Variants in TPTE2 observed in about 807,000 individuals in gnomAD.
The protein encoded by TPTE2 is phosphatidylinositol 3,4,5-trisphosphate 3-phosphatase TPTE2.
TPTE2 carries 53 observed loss-of-function variants against 78.6 expected under a neutral mutation model. The observed-to-expected ratio is 0.67, with a 90% confidence interval of 0.54 to 0.85. TPTE2 has a LOEUF of 0.85. Among genes scored for constraint, TPTE2 ranks in the 40% least tolerant of loss-of-function variants. The pLI, the probability that TPTE2 is intolerant of heterozygous loss-of-function variation, is 0.00. For synonymous variants in TPTE2, 175 were observed against 206.2 expected, an observed-to-expected ratio of 0.85 and a Z score of 1.30; for missense variants, 461 against 623.0, an observed-to-expected ratio of 0.74 and a Z score of 2.77.
At chr13:19,485,043 T>C (rs571102316) in intron 3 of TPTE2, among the ~76,000 whole-genome samples, 1 of 152,296 alleles carries the variant, frequency 6.6e-6, no homozygotes, top group East Asian at 1.9e-4. Context: ...GTTTTGTATA[T>C]GTTTTATTCC....
intron 6 of TPTE2, among the ~76,000 whole-genome samples, chr13:19,468,935 C>T (rs148465666): frequency 2.0e-5 from 3 of 152,094 alleles, no homozygotes; most frequent in African/African-American, 4.8e-5. Flanking sequence ...CTTTTCAGAT[C>T]GGTAGTTTGC....
At chr13:19,428,671 G>A (rs1876327615) in intron 17 of TPTE2, among the ~76,000 whole-genome samples, 2 of 151,800 alleles carry the variant, frequency 1.3e-5, no homozygotes, top group South Asian at 4.2e-4. Context: ...TGAGGCTACA[G>A]TGAGCCATGA....
chr13:19,443,570 T>C (rs1877626455), intron 13 of TPTE2, among the ~76,000 whole-genome samples: 1 of 151,836 alleles, frequency 6.6e-6, no homozygotes, highest in South Asian at 2.1e-4. Flanking sequence ...ACCTGGCAAA[T>C]TTTTGTATTT....
At chr13:19,423,006 C>CCA in exon 20 of TPTE2, 1 of 1,594,216 alleles carries the variant, frequency 6.3e-7, no homozygotes, top group East Asian at 2.3e-5. Context: ...AATTCTTTCC[C>CCA]AGAAGGGGAA....
At chr13:19,495,435 T>A (rs377089557) in intron 1 of TPTE2, among the ~76,000 whole-genome samples, 15 of 152,346 alleles carry the variant, frequency 9.8e-5, no homozygotes, top group African/African-American at 3.6e-4. Flanking sequence ...TCATTCTCAC[T>A]GAATGGTAAT....
Position 19,486,675 on chromosome 13 carries a change from C to T in TPTE2, c.120-4128G>A, listed in dbSNP as rs1880682885. Among the ~76,000 whole-genome samples, 1 of 152,210 alleles carries T rather than the reference C, an allele frequency of 6.6e-6. No individual in the cohort carries two copies. Among genetic ancestry groups the T allele is most frequent in the East Asian group, 1.9e-4 (1 of 5,196 alleles). On this transcript the variant is annotated intron_variant, in intron 3 of 19. Coordinates refer to ENST00000400230, the Ensembl canonical transcript of TPTE2. This position sits in a 1 kb window ranked among gnomAD's most constrained non-coding sequence, Gnocchi z 4.3. ...CCTGCAGCCAGTCTGCTGGGGGAAA[C>T]TCATGGGCCAAATATACAGCTGCAT... is the stretch of plus-strand genomic sequence containing the variant.
In TPTE2 at chr13:19,532,630, C is replaced by A. The variant is rs370046575; in HGVS notation, c.-44+3966G>T. Among the ~76,000 whole-genome samples, 644 of 152,328 alleles carry A rather than the reference C, an allele frequency of 4.2e-3. 6 individuals are homozygous for A. The highest frequency in any genetic ancestry group is 0.026 in the South Asian group (127 of 4,826). The stretch of plus-strand genomic sequence containing the variant: ...CAGCTCAAAACAGACTAACACAATG[C>A]CCTCAACCCACCTCTCTGCCTTAGT... On this transcript the variant is annotated intron_variant, in intron 1 of 17. Transcript: ENST00000390680.
intron 17 of TPTE2, among the ~76,000 whole-genome samples, chr13:19,430,016 G>A (rs559748059): frequency 5.3e-5 from 8 of 152,120 alleles, no homozygotes; most frequent in East Asian, 3.9e-4. Flanking sequence ...CAGATTTCCC[G>A]AATCATACTT....
intron 4 of TPTE2, among the ~76,000 whole-genome samples, chr13:19,477,545 TCTC>T (rs1037106811): frequency 3.3e-5 from 5 of 151,958 alleles, no homozygotes; most frequent in African/African-American, 1.2e-4. Context: ...AGGTGAATTC[TCTC>T]CTCAAGTTGC....
At chr13:19,559,615 C>G in the TPTE2 span, among the ~76,000 whole-genome samples, 1 of 151,624 alleles carries the variant, frequency 6.6e-6, no homozygotes, top group Non-Finnish European at 1.5e-5. Flanking sequence ...AAGTCCCACT[C>G]TGCTCTGAAG....
chr13:19,453,691 T>C (rs1440227729), intron 10 of TPTE2, among the ~76,000 whole-genome samples: 1 of 152,026 alleles, frequency 6.6e-6, no homozygotes, highest in Non-Finnish European at 1.5e-5. Flanking sequence ...AATTCAACTC[T>C]GCCAAGAATC....
At chr13:19,533,250 G>A (rs1870991981) in intron 1 of TPTE2, among the ~76,000 whole-genome samples, 1 of 152,152 alleles carries the variant, frequency 6.6e-6, no homozygotes, top group Non-Finnish European at 1.5e-5. Flanking sequence ...CTTCCTAGGA[G>A]ACAGCTTGAA....
chr13:19,459,759 T>C (rs1432018919), intron 10 of TPTE2, among the ~76,000 whole-genome samples: 1 of 152,094 alleles, frequency 6.6e-6, no homozygotes, highest in Non-Finnish European at 1.5e-5. Context: ...AAAGAAGCAG[T>C]CTGGTCATGA....
chr13:19,529,789 A>G (rs1395251874), intron 1 of TPTE2, among the ~76,000 whole-genome samples: 1 of 152,110 alleles, frequency 6.6e-6, no homozygotes, highest in African/African-American at 2.4e-5. Context: ...GATCCTGGAA[A>G]CATTACTTCT....
chr13:19,539,039 T>C (rs1871363739), upstream of TPTE2, among the ~76,000 whole-genome samples: 1 of 152,160 alleles, frequency 6.6e-6, no homozygotes, highest in African/African-American at 2.4e-5. Context: ...TCAGGTGCTA[T>C]GCTAGATTCT....
intron 4 of TPTE2, among the ~76,000 whole-genome samples, chr13:19,477,502 G>A (rs1180316293): frequency 6.6e-6 from 1 of 152,144 alleles, no homozygotes; most frequent in African/African-American, 2.4e-5. Context: ...GAGAGTTAAG[G>A]CTGATGTAGA....
At chr13:19,480,079 A>ATT (rs34783243) in intron 4 of TPTE2, among the ~76,000 whole-genome samples, 1 of 152,010 alleles carries the variant, frequency 6.6e-6, no homozygotes, top group African/African-American at 2.4e-5. Context: ...AACATGACTC[A>ATT]TTTTTTATCA....
intron 1 of TPTE2, among the ~76,000 whole-genome samples, chr13:19,527,125 G>A (rs1379615407): frequency 1.3e-5 from 2 of 151,940 alleles, no homozygotes; most frequent in Non-Finnish European, 2.9e-5. Flanking sequence ...GGCCAACATG[G>A]CAAAACCGCA....
chr13:19,510,890 A>G (rs1182847419), intron 1 of TPTE2, among the ~76,000 whole-genome samples: 1 of 152,238 alleles, frequency 6.6e-6, no homozygotes, highest in Non-Finnish European at 1.5e-5. Flanking sequence ...AAGTTATCAC[A>G]TAAATTCAAA....
Sources: gnomAD v4.1 joint callset for allele counts (sites outside exome capture counted in the v4.1 genomes callset) on GRCh38, gnomAD v4.1.1 for gene constraint, Gnocchi (gnomAD v3.1) non-coding constraint, MANE v1.5 for transcripts, NCBI Gene and HGNC (gene_info 2026-07-23, HGNC 2026-07-21) for gene names.